The following PPFIA1 variants were observed in gnomAD, a reference collection of about 807,000 sequenced individuals.
PPFIA1 encodes liprin-alpha-1.
A neutral mutation model predicts 149.9 loss-of-function variants in PPFIA1; 25 were observed. That is an observed-to-expected ratio of 0.17 (90% CI 0.12 to 0.23). The LOEUF (loss-of-function observed/expected upper bound fraction) is 0.23, where lower values mean the gene tolerates loss of function less well. Ranked by LOEUF, PPFIA1 falls within the 10% of genes least tolerant of loss-of-function variation. The pLI, the probability that PPFIA1 is intolerant of heterozygous loss-of-function variation, is 1.00. For synonymous variants in PPFIA1, 549 were observed against 552.8 expected (o/e 0.99, Z 0.10); for missense variants, 1,362 against 1,506.5 (o/e 0.90, Z 1.59).
At chr11:70,279,038 C>T in intron 2 of PPFIA1, 1 of 531,550 alleles carries the variant, frequency 1.9e-6, no homozygotes, top group Non-Finnish European at 3.6e-6. Context: ...TGGCAAGTTG[C>T]AAGTAATGAG....
At chr11:70,282,975 G>A (rs1285034225) in intron 2 of PPFIA1, among the ~76,000 whole-genome samples, 1 of 151,678 alleles carries the variant, frequency 6.6e-6, no homozygotes, top group East Asian at 1.9e-4. Flanking sequence ...GAGTAGCTGG[G>A]ACCATAGGCG....
At chr11:70,319,900 C>T (rs931489467) in intron 2 of PPFIA1, 1 of 152,228 alleles carries the variant, frequency 6.6e-6, no homozygotes, top group African/African-American at 2.4e-5. Context: ...AGTGCTGTGT[C>T]CTTCAGCAAA....
chr11:70,301,367 G>A (rs1225363092), intron 2 of PPFIA1, among the ~76,000 whole-genome samples: 1 of 152,104 alleles, frequency 6.6e-6, no homozygotes. Flanking sequence ...TCCTCACCAT[G>A]GTATCTTCCC....
intron 15 of PPFIA1, among the ~76,000 whole-genome samples, chr11:70,347,739 C>T (rs996239105): frequency 6.6e-6 from 1 of 152,216 alleles, no homozygotes; most frequent in Middle Eastern, 3.4e-3. Context: ...AGCTGTGGCT[C>T]GCGCCTGTAA....
intron 14 of PPFIA1, among the ~76,000 whole-genome samples, chr11:70,340,006 C>G (rs2055217100): frequency 6.6e-6 from 1 of 151,620 alleles, no homozygotes; most frequent in African/African-American, 2.4e-5. Context: ...GAGTGAAACT[C>G]CATCTTAAAA....
intron 21 of PPFIA1, chr11:70,371,599 TGTTA>T (rs987227159): frequency 1.2e-3 from 139 of 116,430 alleles, no homozygotes; most frequent in African/African-American, 4.0e-3. Flanking sequence ...TGTTAAGGGT[TGTTA>T]GTTTAGGTTT....
At chr11:70,325,739 C>G (rs1455970044) in intron 5 of PPFIA1, among the ~76,000 whole-genome samples, 165 bp downstream of exon 5, 1 of 152,012 alleles carries the variant, frequency 6.6e-6, no homozygotes, top group East Asian at 1.9e-4. Context: ...CCAAGACCAG[C>G]CTGACCAACA....
chr11:70,332,166 T>A, intron 9 of PPFIA1, 72 bp downstream of exon 9: 2 of 1,480,692 alleles, frequency 1.4e-6, no homozygotes, highest in Non-Finnish European at 9.0e-7. Flanking sequence ...ACCTTGTTTG[T>A]CACTGTTCTT....
intron 2 of PPFIA1, among the ~76,000 whole-genome samples, chr11:70,302,836 TG>T (rs1429022820): frequency 6.6e-6 from 1 of 151,504 alleles, no homozygotes; most frequent in Non-Finnish European, 1.5e-5. Flanking sequence ...CTTGAACTCC[TG>T]GGCTCAAGCA....
intron 19 of PPFIA1, 111 bp downstream of exon 19, chr11:70,356,365 T>C: frequency 1.2e-6 from 1 of 802,548 alleles, no homozygotes; most frequent in South Asian, 1.7e-5. Flanking sequence ...CATTATATTC[T>C]GAAAGCTTTA....
intron 2 of PPFIA1, among the ~76,000 whole-genome samples, chr11:70,287,564 A>G (rs955432142): frequency 2.0e-5 from 3 of 151,776 alleles, no homozygotes; most frequent in Non-Finnish European, 4.4e-5. Context: ...CCTGGTCTCA[A>G]GTAATCCTCC....
chr11:70,332,724 G>C (rs1038679366), intron 9 of PPFIA1, among the ~76,000 whole-genome samples: 1 of 152,286 alleles, frequency 6.6e-6, no homozygotes, highest in African/African-American at 2.4e-5. Flanking sequence ...GCGCATCACC[G>C]GGCACAAACC....
intron 2 of PPFIA1, among the ~76,000 whole-genome samples, chr11:70,311,067 C>T (rs755936169): frequency 1.3e-5 from 2 of 152,068 alleles, no homozygotes; most frequent in South Asian, 2.1e-4. Flanking sequence ...ATAAAGGCTT[C>T]GGGAGGCCGA....
chr11:70,272,123 G>T lies in PPFIA1; in HGVS notation c.1-50G>T, dbSNP rs547801450. 5.7e-6 allele frequency: 9 copies of T among 1,567,862 alleles called. No individual in the cohort carries two copies. In the African/African-American group the frequency reaches 1.1e-4, roughly 19 times the overall value. On this transcript the variant is annotated intron_variant, in intron 1 of 27. Coordinates refer to ENST00000253925, the MANE Select transcript of PPFIA1 (RefSeq NM_003626.5). ...TACCTGTAAAGTTGCATATTTGTGG[G>T]AACCTGTATTCTGAGCTTAATTACT...
At chr11:70,343,578 C>T in intron 14 of PPFIA1, 91 bp from the exon 15 acceptor site, 1 of 1,174,546 alleles carries the variant, frequency 8.5e-7, no homozygotes, top group Non-Finnish European at 1.2e-6. Context: ...TTTGGGCTTT[C>T]ATTAAAGAAT....
At chr11:70,320,719 G>A (rs773509228) in intron 2 of PPFIA1, among the ~76,000 whole-genome samples, 4 of 152,300 alleles carry the variant, frequency 2.6e-5, no homozygotes, top group Non-Finnish European at 5.9e-5. Flanking sequence ...TTACAGGCAA[G>A]AGCCACCATG....
At chr11:70,349,967 G>A (rs1227013493) in intron 16 of PPFIA1, 1 of 455,184 alleles carries the variant, frequency 2.2e-6, no homozygotes, top group East Asian at 7.0e-5. Context: ...GTCCCCATCA[G>A]TCAGTAGTTT....
Position 70,374,932 on chromosome 11 carries a change from A to G in PPFIA1, c.3154A>G (p.Ser1052Gly), listed in dbSNP as rs749546767. 1 of 1,610,902 alleles carries G rather than the reference A, an allele frequency of 6.2e-7. No homozygotes were observed. Among genetic ancestry groups the G allele is most frequent in the East Asian group, 2.2e-5 (1 of 44,700 alleles). ...TTCTTTTGCAGACGTGCTTGTTTGG[A>G]GCAATGATCGAGTGATTCGCTGGAT... ...QSEIKDVLVW[S>G]NDRVIRWILS... Residue 1052 changes from serine (S) to glycine (G), a missense_variant, in exon 24 of 28, where the codon AGC becomes GGC. Ser to Gly is a moderately conservative substitution (Grantham distance 56, BLOSUM62 0). Coordinates refer to ENST00000253925, the MANE Select transcript of PPFIA1 (RefSeq NM_003626.5).
rs1457477811 is a variant in PPFIA1, at chr11:70,326,319, G to A, written c.664G>A (p.Asp222Asn). The A allele has an allele frequency of 6.2e-7, 1 of 1,610,478 alleles. No individual in the cohort carries two copies. ...QKKTLTDGVL[D>N]INHEQENTPS... ...AAAAACTCTAACAGATGGAGTGCTG[G>A]ACATAAACCATGAACAAGAAAATAC... Residue 222 changes from aspartate to asparagine, a missense_variant, in exon 6 of 28, where the codon GAC becomes AAC. Transcript: ENST00000253925.
Sources: gnomAD v4.1 joint callset for allele counts (sites outside exome capture counted in the v4.1 genomes callset) on GRCh38, gnomAD v4.1.1 for gene constraint, MANE v1.5 for transcripts, NCBI Gene and HGNC (gene_info 2026-07-23, HGNC 2026-07-21) for gene names.